The following ANAPC10 variants were observed in gnomAD, a reference collection of about 807,000 sequenced individuals.
ANAPC10 encodes the protein anaphase promoting complex subunit 10.
Under a neutral mutation model 22.0 loss-of-function variants are expected in ANAPC10, and 12 were observed. The ratio of observed to expected loss-of-function variants is 0.55; its 90% CI spans 0.35 to 0.88. The LOEUF is 0.88. Among genes scored for constraint, ANAPC10 ranks in the 40% least tolerant of loss-of-function variants. The pLI, the probability that ANAPC10 is intolerant of heterozygous loss-of-function variation, is 0.01. For synonymous variants in ANAPC10, 65 were observed against 69.5 expected (o/e 0.94, Z 0.32); for missense variants, 188 against 220.9 (o/e 0.85, Z 0.94).
At chr4:145,023,562 AAAGC>A (rs1736255906) in intron 4 of ANAPC10, among the ~76,000 whole-genome samples, 1 of 152,226 alleles carries the variant, frequency 6.6e-6, no homozygotes, top group African/African-American at 2.4e-5. Context: ...AGTTTGCAAT[AAAGC>A]AAGTCACACA....
intron 4 of ANAPC10, among the ~76,000 whole-genome samples, chr4:145,017,474 G>A (rs1468292067): frequency 6.6e-6 from 1 of 152,136 alleles, no homozygotes; most frequent in African/African-American, 2.4e-5. Context: ...GAAACAACAG[G>A]TGCTGGAGAG....
chr4:145,061,862 C>T (rs779160230), intron 4 of ANAPC10, among the ~76,000 whole-genome samples: 5 of 152,034 alleles, frequency 3.3e-5, no homozygotes, highest in Non-Finnish European at 7.4e-5. Flanking sequence ...AATCTCAGCA[C>T]TTTGGGAGGC....
At chr4:145,020,237 C>A (rs559168180) in intron 4 of ANAPC10, among the ~76,000 whole-genome samples, 1 of 152,062 alleles carries the variant, frequency 6.6e-6, no homozygotes, top group Admixed American at 6.6e-5. Flanking sequence ...TAAACTACCA[C>A]GAGCAAGTGG....
At chr4:145,013,003 C>T (rs954235463) in intron 4 of ANAPC10, among the ~76,000 whole-genome samples, 7 of 152,116 alleles carry the variant, frequency 4.6e-5, no homozygotes, top group Non-Finnish European at 8.8e-5. Flanking sequence ...TCTTCCCTCT[C>T]TTCCTCCAAC....
intron 3 of ANAPC10, among the ~76,000 whole-genome samples, chr4:145,078,453 C>T (rs1413405616): frequency 2.0e-5 from 3 of 152,042 alleles, no homozygotes; most frequent in Non-Finnish European, 4.4e-5. Context: ...GTCATAACTG[C>T]CCAAAGCAAT....
Position 145,022,506 on chromosome 4 carries a change from A to T in ANAPC10, c.328-26903T>A, listed in dbSNP as rs201700839. Among the ~76,000 whole-genome samples the T allele has an allele frequency of 4.6e-5, 7 of 152,026 alleles. No individual in the cohort carries two copies. In the East Asian group the frequency reaches 1.4e-3, roughly 29 times the overall value. ...AAGAATGATACAATGGACTTTGGGG[A>T]CTTGGGGGAAAGTGGGGGGTGAGGA... is the stretch of plus-strand genomic sequence containing the variant. On this transcript the variant is annotated intron_variant, in intron 4 of 4. Coordinates refer to ENST00000507656, the MANE Select transcript of ANAPC10 (RefSeq NM_001256706.2).
intron 4 of ANAPC10, among the ~76,000 whole-genome samples, chr4:145,028,077 A>G (rs1737015024): frequency 6.6e-6 from 1 of 152,172 alleles, no homozygotes; most frequent in Non-Finnish European, 1.5e-5. Context: ...AAGCTGAAAG[A>G]GCTGTTAGAT....
chr4:145,024,718 T>C (rs978027808), intron 4 of ANAPC10, among the ~76,000 whole-genome samples: 10 of 152,194 alleles, frequency 6.6e-5, no homozygotes, highest in African/African-American at 2.2e-4. Flanking sequence ...AGATTTAGCA[T>C]AATTCTTAAG....
intron 4 of ANAPC10, among the ~76,000 whole-genome samples, chr4:145,007,546 G>C (rs789343): frequency 3.9e-5 from 6 of 152,154 alleles, no homozygotes; most frequent in Admixed American, 3.3e-4. Context: ...CTCAACTACA[G>C]GGAAACTGAA....
At chr4:145,071,651 A>G (rs927407379) in intron 3 of ANAPC10, among the ~76,000 whole-genome samples, 7 of 152,214 alleles carry the variant, frequency 4.6e-5, no homozygotes, top group Admixed American at 3.9e-4. Flanking sequence ...AGGGAACTTT[A>G]TAACCTGATA....
In ANAPC10 at chr4:145,037,364, A is replaced by AT. The variant is rs1002585771; in HGVS notation, c.327+27207dup. ...AAAAGTACACTATCATTCTATTACC[A>AT]TAATTTTTTAAATGTTTTATTATGC... On this transcript the variant is annotated intron_variant, in intron 4 of 4. Coordinates refer to ENST00000507656, the MANE Select transcript of ANAPC10 (RefSeq NM_001256706.2). Among the ~76,000 whole-genome samples, 17 of 152,290 alleles carry AT rather than the reference A, an allele frequency of 1.1e-4. No individual in the cohort carries two copies. The East Asian group carries it at 3.3e-3, about 29-fold the overall frequency.
At chr4:144,999,653 A>C (rs1255062693) in intron 4 of ANAPC10, among the ~76,000 whole-genome samples, 1 of 152,226 alleles carries the variant, frequency 6.6e-6, no homozygotes, top group Non-Finnish European at 1.5e-5. Context: ...ATTCAATGCT[A>C]TCCTCATCAA....
At chr4:145,019,822 A>G (rs1469073114) in intron 4 of ANAPC10, among the ~76,000 whole-genome samples, 2 of 152,164 alleles carry the variant, frequency 1.3e-5, no homozygotes, top group East Asian at 3.9e-4. Context: ...ATGGGCATAA[A>G]CTTGAAAACC....
chr4:145,093,182 G>C (rs749955445), intron 2 of ANAPC10, among the ~76,000 whole-genome samples: 1 of 152,172 alleles, frequency 6.6e-6, no homozygotes, highest in African/African-American at 2.4e-5. Flanking sequence ...AGGAAAACTG[G>C]AGTGGAACTA....
intron 3 of ANAPC10, among the ~76,000 whole-genome samples, chr4:145,075,815 A>C (rs1264159246): frequency 6.6e-6 from 1 of 152,144 alleles, no homozygotes; most frequent in Non-Finnish European, 1.5e-5. Context: ...TGTGGAGCCC[A>C]GAGGGTTTGG....
intron 3 of ANAPC10, among the ~76,000 whole-genome samples, chr4:145,066,550 G>A (rs945763587): frequency 6.6e-6 from 1 of 151,824 alleles, no homozygotes; most frequent in Non-Finnish European, 1.5e-5. Flanking sequence ...GAATAATTAC[G>A]TTTCTAAATT....
chr4:145,062,239 T>C (rs1331409297), intron 4 of ANAPC10, among the ~76,000 whole-genome samples: 1 of 152,182 alleles, frequency 6.6e-6, no homozygotes, highest in African/African-American at 2.4e-5. Flanking sequence ...GAAATGTTTT[T>C]AAATTAAAAG....
At chr4:145,056,370 G>A (rs1406265818) in intron 4 of ANAPC10, among the ~76,000 whole-genome samples, 3 of 152,126 alleles carry the variant, frequency 2.0e-5, no homozygotes, top group Non-Finnish European at 4.4e-5. Context: ...GGGGAGGCAC[G>A]AATAATCCAC....
At chr4:145,094,961 C>T (rs942306118) in intron 2 of ANAPC10, among the ~76,000 whole-genome samples, 2 of 152,070 alleles carry the variant, frequency 1.3e-5, no homozygotes, top group Non-Finnish European at 2.9e-5. Context: ...TGTTATCACT[C>T]ATTTATCCAA....
Sources: allele counts gnomAD v4.1 joint callset (sites outside exome capture counted in the v4.1 genomes callset), GRCh38; gene constraint gnomAD v4.1.1; transcripts MANE v1.5; gene names NCBI Gene and HGNC (gene_info 2026-07-23, HGNC 2026-07-21).